Variants in DCT observed in about 807,000 individuals in gnomAD.
DCT encodes the protein dopachrome tautomerase.
Under a neutral mutation model 53.0 loss-of-function variants are expected in DCT, and 47 were observed. The ratio of observed to expected loss-of-function variants is 0.89; its 90% CI spans 0.70 to 1.13. The LOEUF is 1.13. DCT is among the 50% of genes most tolerant of loss of function. The pLI, the probability that DCT is intolerant of heterozygous loss-of-function variation, is 0.00. For synonymous variants in DCT, 244 were observed against 237.0 expected (o/e 1.03, Z -0.27); for missense variants, 669 against 637.4 (o/e 1.05, Z -0.53).
chr13:94,466,280 T>G (rs1884214254), intron 3 of DCT, among the ~76,000 whole-genome samples: 1 of 151,662 alleles, frequency 6.6e-6, no homozygotes, highest in African/African-American at 2.4e-5. Context: ...AAAGTTGCAG[T>G]TATGTAGGAT....
intron 1 of DCT, among the ~76,000 whole-genome samples, chr13:94,474,100 G>A (rs1308989744): frequency 1.3e-5 from 2 of 152,114 alleles, no homozygotes; most frequent in Non-Finnish European, 2.9e-5. Flanking sequence ...GAAGAGAAGT[G>A]TTTTAGAAAG....
At chr13:94,510,572 T>C in the DCT span, among the ~76,000 whole-genome samples, 1 of 152,258 alleles carries the variant, frequency 6.6e-6, no homozygotes, top group African/African-American at 2.4e-5. Flanking sequence ...AATATATTAT[T>C]CAAATTAATT....
At chr13:94,492,042 A>C in the DCT span, among the ~76,000 whole-genome samples, 1 of 152,178 alleles carries the variant, frequency 6.6e-6, no homozygotes, top group East Asian at 1.9e-4. Flanking sequence ...CTCACTGGAC[A>C]ACCAGGGGTG....
chr13:94,481,495 C>T (rs368681079), upstream of DCT, among the ~76,000 whole-genome samples: 2 of 152,254 alleles, frequency 1.3e-5, no homozygotes, highest in African/African-American at 4.8e-5. Flanking sequence ...TTTTGTGAAG[C>T]CTTGGGGCTC....
At position 94,443,396 on chromosome 13, in the gene DCT, A is replaced by G. The variant is rs757800570; in HGVS notation, c.1381+40T>C. ...AAAGCAAGAAAGCTAGCTTCTTTAG[A>G]AGATGAATGAATCACCCATTTGGAA... On this transcript the variant is annotated intron_variant, in intron 7 of 7. Transcript: ENST00000377028. 6 of 1,437,048 alleles carry G rather than the reference A, an allele frequency of 4.2e-6. No homozygotes were observed. In the African/African-American group the frequency reaches 7.0e-5, roughly 17 times the overall value. The allele number at this position is 1,437,048 out of a possible 1,614,324, so 89.0% of individuals were successfully genotyped here.
the DCT span, among the ~76,000 whole-genome samples, chr13:94,521,705 C>T: frequency 2.0e-5 from 3 of 151,822 alleles, no homozygotes; most frequent in Admixed American, 2.0e-4. Flanking sequence ...AAAAAAAAAC[C>T]TTTAGTAATT....
the DCT span, among the ~76,000 whole-genome samples, chr13:94,497,179 C>T: frequency 6.6e-6 from 1 of 152,138 alleles, no homozygotes; most frequent in Non-Finnish European, 1.5e-5. Flanking sequence ...GGGCCTCATC[C>T]AACCAGATGA....
At chr13:94,446,301 A>C (rs1428702877) in intron 6 of DCT, among the ~76,000 whole-genome samples, 1 of 152,200 alleles carries the variant, frequency 6.6e-6, no homozygotes, top group Non-Finnish European at 1.5e-5. Flanking sequence ...TGACTATACC[A>C]TCAGTACTAT....
chr13:94,497,621 A>C, the DCT span, among the ~76,000 whole-genome samples: 5 of 152,298 alleles, frequency 3.3e-5, no homozygotes, highest in South Asian at 1.0e-3. Context: ...ACGAAGAGAA[A>C]TATATCTACT....
At chr13:94,534,955 C>A in the DCT span, among the ~76,000 whole-genome samples, 2 of 152,348 alleles carry the variant, frequency 1.3e-5, no homozygotes, top group South Asian at 4.1e-4. Flanking sequence ...GTTGCCCAGG[C>A]TGGTCTCAAA....
In DCT at chr13:94,439,986, GCCAACAGCACAAAAAGA is replaced by G; in HGVS notation, c.1455_1471del (p.Leu486PhefsTer5). On this transcript the variant is annotated frameshift_variant, in exon 8 of 8. Coordinates refer to ENST00000377028, the MANE Select transcript of DCT (RefSeq NM_001922.5). LOFTEE classifies it high-confidence loss of function. ...TCGAAGTCTTCTATATTGAAGAAAA[GCCAACAGCACAAAAAGA>G]CCAACCAAAGCCACCAGTGTTCCCA... The G allele has an allele frequency of 6.2e-7, 1 of 1,613,880 alleles. No homozygotes were observed. The highest frequency in any genetic ancestry group is 8.5e-7 in the Non-Finnish European group (1 of 1,179,822).
chr13:94,536,001 A>C, the DCT span, among the ~76,000 whole-genome samples: 2 of 152,222 alleles, frequency 1.3e-5, no homozygotes, highest in Non-Finnish European at 2.9e-5. Flanking sequence ...TTCACAGGAA[A>C]TAGCCTAACC....
At chr13:94,485,938 T>G in the DCT span, among the ~76,000 whole-genome samples, 2 of 152,200 alleles carry the variant, frequency 1.3e-5, no homozygotes, top group Non-Finnish European at 2.9e-5. Flanking sequence ...CTCGATTGCA[T>G]GATTTTAAAA....
the DCT span, among the ~76,000 whole-genome samples, chr13:94,498,054 G>A: frequency 6.6e-6 from 1 of 152,232 alleles, no homozygotes; most frequent in African/African-American, 2.4e-5. Context: ...AGCAAACTCA[G>A]AATCGAGGAC....
At chr13:94,494,992 A>G in the DCT span, among the ~76,000 whole-genome samples, 2 of 152,210 alleles carry the variant, frequency 1.3e-5, no homozygotes, top group African/African-American at 4.8e-5. Flanking sequence ...CACTTGTATT[A>G]ATAATTCTGC....
At chr13:94,441,118 T>TA (rs1882278812) in intron 7 of DCT, among the ~76,000 whole-genome samples, 1 of 152,250 alleles carries the variant, frequency 6.6e-6, no homozygotes, top group African/African-American at 2.4e-5. Context: ...ATTCTCTTTC[T>TA]AGTCCTTTTT....
At chr13:94,453,374 A>G (rs1235773895) in intron 6 of DCT, among the ~76,000 whole-genome samples, 3 of 152,192 alleles carry the variant, frequency 2.0e-5, no homozygotes, top group Non-Finnish European at 4.4e-5. Context: ...GGCATTTAAA[A>G]ACTATTTTCA....
chr13:94,515,198 G>A, the DCT span, among the ~76,000 whole-genome samples: 4 of 152,198 alleles, frequency 2.6e-5, no homozygotes, highest in African/African-American at 9.7e-5. Flanking sequence ...ATAAATGTCT[G>A]TTGTTTATAA....
chr13:94,482,560 G>A (rs1345279541), upstream of DCT, among the ~76,000 whole-genome samples: 1 of 152,128 alleles, frequency 6.6e-6, no homozygotes, highest in Non-Finnish European at 1.5e-5. Context: ...TATTGGTTAG[G>A]TGGCTGAAAG....
Sources: allele counts gnomAD v4.1 joint callset (sites outside exome capture counted in the v4.1 genomes callset), GRCh38; gene constraint gnomAD v4.1.1; transcripts MANE v1.5; gene names NCBI Gene and HGNC (gene_info 2026-07-23, HGNC 2026-07-21).